The following SDK1 variants were observed in gnomAD, a reference collection of about 807,000 sequenced individuals.
SDK1 encodes sidekick cell adhesion molecule 1, also known as protein sidekick-1.
In SDK1, 157 loss-of-function variants were observed where a neutral mutation model predicts 245.5. That is an observed-to-expected ratio of 0.64 (90% CI 0.56 to 0.73). SDK1 has a LOEUF of 0.73. Among genes scored for constraint, SDK1 ranks in the 30% least tolerant of loss-of-function variants. The pLI, the probability that SDK1 is intolerant of heterozygous loss-of-function variation, is 0.00. For missense variants in SDK1, 3,583 were observed against 3,002.3 expected (o/e 1.19, Z -4.52); for synonymous variants, 1,647 against 1,278.5 (o/e 1.29, Z -6.15).
At chr7:3,732,088 C>T (rs1242395725) in intron 4 of SDK1, among the ~76,000 whole-genome samples, 4 of 152,220 alleles carry the variant, frequency 2.6e-5, no homozygotes, top group African/African-American at 4.8e-5. Flanking sequence ...CCACACCCAG[C>T]AGTAATTTTA....
intron 1 of SDK1, among the ~76,000 whole-genome samples, chr7:3,611,121 A>G (rs987428567): frequency 5.3e-5 from 8 of 152,232 alleles, no homozygotes; most frequent in African/African-American, 1.9e-4. Flanking sequence ...GGTAAAATAC[A>G]GAGAAGTTGG....
intron 28 of SDK1, among the ~76,000 whole-genome samples, chr7:4,145,406 C>T (rs908109049): frequency 5.3e-5 from 8 of 152,226 alleles, no homozygotes; most frequent in Non-Finnish European, 8.8e-5. Flanking sequence ...AAGCCACAGC[C>T]CTCTGGGGAG....
At chr7:4,118,098 A>T (rs984361936) in intron 25 of SDK1, among the ~76,000 whole-genome samples, 1 of 152,244 alleles carries the variant, frequency 6.6e-6, no homozygotes, top group Non-Finnish European at 1.5e-5. Flanking sequence ...AGACCTCATC[A>T]GAATGAAAAC....
rs56305808 is a variant in SDK1, at chr7:3,894,739, C to G, written c.848-56184C>G. 5.5e-3 allele frequency among the ~76,000 whole-genome samples: 824 copies of G among 150,606 alleles called. 8 individuals carry two copies. Among genetic ancestry groups the G allele is most frequent in the African/African-American group, 0.019 (768 of 40,754 alleles). Reference sequence around the variant, plus strand: ...TTTGAGACGGAGTCTCACTCTGTCCCCCCGGTTGGAGTGCAGTGATGCAAT... The same window carrying G: ...TTTGAGACGGAGTCTCACTCTGTCCGCCCGGTTGGAGTGCAGTGATGCAAT... On this transcript the variant is annotated intron_variant, in intron 5 of 44. Coordinates refer to ENST00000404826, the MANE Select transcript of SDK1 (RefSeq NM_152744.4).
chr7:4,135,251 A>G (rs1778991311), intron 28 of SDK1, among the ~76,000 whole-genome samples: 1 of 152,214 alleles, frequency 6.6e-6, no homozygotes, highest in Non-Finnish European at 1.5e-5. Flanking sequence ...AGCTGTGATA[A>G]TGCCAAGTTT....
At chr7:3,685,803 A>G (rs1784264619) in intron 4 of SDK1, among the ~76,000 whole-genome samples, 1 of 152,174 alleles carries the variant, frequency 6.6e-6, no homozygotes, top group African/African-American at 2.4e-5. Flanking sequence ...ATAAATCACA[A>G]CGGACTTCTA....
chr7:3,665,262 C>T (rs771775961), intron 4 of SDK1, among the ~76,000 whole-genome samples: 8 of 152,170 alleles, frequency 5.3e-5, no homozygotes, highest in Non-Finnish European at 7.3e-5. Context: ...TACAGTGATG[C>T]CTTGAGCCCC....
At chr7:3,554,259 G>T (rs369989118) in intron 1 of SDK1, among the ~76,000 whole-genome samples, 5 of 152,068 alleles carry the variant, frequency 3.3e-5, no homozygotes, top group African/African-American at 1.2e-4. Flanking sequence ...CTCTCTGATC[G>T]TAGTGGAGTC....
chr7:3,821,002 A>C (rs918888476), intron 4 of SDK1, among the ~76,000 whole-genome samples: 3 of 151,550 alleles, frequency 2.0e-5, no homozygotes, highest in Admixed American at 2.0e-4. Flanking sequence ...ATATCCATAC[A>C]CAAAGCCTCT....
intron 1 of SDK1, among the ~76,000 whole-genome samples, chr7:3,359,704 G>T (rs1158458089): frequency 6.6e-6 from 1 of 152,146 alleles, no homozygotes; most frequent in Admixed American, 6.5e-5. Context: ...TGCTCGAGCT[G>T]TATCAATTGT....
At chr7:4,143,698 C>T (rs766039498) in intron 28 of SDK1, among the ~76,000 whole-genome samples, 3 of 152,168 alleles carry the variant, frequency 2.0e-5, no homozygotes, top group Non-Finnish European at 2.9e-5. Flanking sequence ...GGGGACCTGG[C>T]GAGGGGATGC....
chr7:3,904,413 A>G (rs990860964), intron 5 of SDK1, among the ~76,000 whole-genome samples: 11 of 152,210 alleles, frequency 7.2e-5, no homozygotes, highest in African/African-American at 2.4e-4. Context: ...CTGTAATGAA[A>G]CTAGCCTGGT....
At chr7:3,807,432 A>G (rs946735100) in intron 4 of SDK1, among the ~76,000 whole-genome samples, 2 of 152,204 alleles carry the variant, frequency 1.3e-5, no homozygotes, top group Non-Finnish European at 2.9e-5. Context: ...GGCTGCCTCA[A>G]GCCCAAAGAT....
intron 1 of SDK1, among the ~76,000 whole-genome samples, chr7:3,563,662 C>G (rs1242651869): frequency 6.6e-6 from 1 of 152,084 alleles, no homozygotes; most frequent in Non-Finnish European, 1.5e-5. Context: ...GAAAAGCAGG[C>G]AGAGGTGGAG....
intron 19 of SDK1, among the ~76,000 whole-genome samples, chr7:4,052,307 G>C (rs1778914864): frequency 6.6e-6 from 1 of 151,918 alleles, no homozygotes; most frequent in Admixed American, 6.6e-5. Flanking sequence ...TCTGCTCACA[G>C]GCCAGCTGAC....
chr7:3,996,558 C>A (rs758459288), intron 14 of SDK1, among the ~76,000 whole-genome samples: 5 of 152,152 alleles, frequency 3.3e-5, no homozygotes, highest in Non-Finnish European at 7.4e-5. Flanking sequence ...TACCCATAGG[C>A]TGTATACTTT....
At chr7:3,639,986 A>G (rs1170971304) in intron 3 of SDK1, among the ~76,000 whole-genome samples, 1 of 152,078 alleles carries the variant, frequency 6.6e-6, no homozygotes, top group Non-Finnish European at 1.5e-5. Context: ...AGCTAGGACC[A>G]CAGGTGTGTG....
At chr7:4,083,102 A>G (rs911494514) in intron 22 of SDK1, among the ~76,000 whole-genome samples, 3 of 152,172 alleles carry the variant, frequency 2.0e-5, no homozygotes, top group Non-Finnish European at 2.9e-5. Context: ...TTGAGTTGCA[A>G]TTGACATACA....
chr7:4,268,152 G>A lies in SDK1; in HGVS notation c.*2768G>A. 1 of 986,908 alleles carries A rather than the reference G, an allele frequency of 1.0e-6. No homozygotes were observed. Among genetic ancestry groups the A allele is most frequent in the Non-Finnish European group, 1.2e-6 (1 of 830,900 alleles). The allele number at this position is 986,908 out of a possible 1,614,324, so 61.1% of individuals were successfully genotyped here. ...AAGTCATGCCTTGCGGATGCCTCAT[G>A]ACAGCAGTGGCTGAGTCTCCCCACC... On this transcript the variant is annotated 3_prime_UTR_variant, in exon 45 of 45. Transcript: ENST00000404826.
Sources: gnomAD v4.1 joint callset for allele counts (sites outside exome capture counted in the v4.1 genomes callset) on GRCh38, gnomAD v4.1.1 for gene constraint, MANE v1.5 for transcripts, NCBI Gene and HGNC (gene_info 2026-07-23, HGNC 2026-07-21) for gene names.